The following RBFOX1 variants were observed in gnomAD, a reference collection of about 807,000 sequenced individuals.
The protein encoded by RBFOX1 is RNA binding protein fox-1 homolog 1.
Under a neutral mutation model 57.7 loss-of-function variants are expected in RBFOX1, and 8 were observed. The observed-to-expected ratio is 0.14, with a 90% CI of 0.08 to 0.25. The LOEUF (loss-of-function observed/expected upper bound fraction) is 0.25, where lower values mean the gene tolerates loss of function less well. Ranked by LOEUF, RBFOX1 falls within the 10% of genes least tolerant of loss-of-function variation. The pLI is 1.00. For missense variants in RBFOX1, 611 were observed against 548.5 expected, an observed-to-expected ratio of 1.11 and a Z score of -1.14; for synonymous variants, 326 against 222.4, an observed-to-expected ratio of 1.47 and a Z score of -4.15.
chr16:5,618,793 G>T (rs2048121321), intron 3 of RBFOX1, among the ~76,000 whole-genome samples: 1 of 152,208 alleles, frequency 6.6e-6, no homozygotes, highest in African/African-American at 2.4e-5. Context: ...TGGAGAGTTT[G>T]CTTTTACTTA....
intron 14 of RBFOX1, among the ~76,000 whole-genome samples, chr16:7,703,725 G>T (rs1372520825): frequency 1.3e-5 from 2 of 152,060 alleles, no homozygotes; most frequent in Admixed American, 6.6e-5. Context: ...AACAAACACG[G>T]GTTTATATTC....
intron 4 of RBFOX1, among the ~76,000 whole-genome samples, chr16:5,975,915 A>G (rs913387621): frequency 1.3e-5 from 2 of 152,174 alleles, no homozygotes; most frequent in East Asian, 1.9e-4. Context: ...GAGCTGAGGC[A>G]GGTGGATCAC....
chr16:7,407,005 T>A (rs2098353922), intron 4 of RBFOX1, among the ~76,000 whole-genome samples: 1 of 152,150 alleles, frequency 6.6e-6, no homozygotes, highest in South Asian at 2.1e-4. Context: ...CCCAAGTGAG[T>A]ATGCTGACTA....
At position 7,630,634 on chromosome 16, in the gene RBFOX1, G is replaced by T; in HGVS notation, c.708G>T (p.Glu236Asp). The T allele has an allele frequency of 6.2e-7, 1 of 1,614,180 alleles. No homozygotes were observed. Among genetic ancestry groups the T allele is most frequent in the East Asian group, 2.2e-5 (1 of 44,876 alleles). The stretch of plus-strand genomic sequence containing the variant: ...TCCTGTTGTGCCAGGCCAACCAGGA[G>T]GGATCTTCCATGTACAGTGCCCCCA... ...GTVLLCQANQ[E>D]GSSMYSAPSS... is the part of the protein sequence containing the mutation. Residue 236 changes from glutamate (E) to aspartate (D), a missense_variant, in exon 11 of 16, where the codon GAG (glutamate) becomes GAT (aspartate). By Grantham distance (45) the Glu-to-Asp change is conservative. Transcript: ENST00000550418.
At chr16:7,637,511 C>G (rs184742221) in intron 11 of RBFOX1, among the ~76,000 whole-genome samples, 1 of 150,918 alleles carries the variant, frequency 6.6e-6, no homozygotes, top group East Asian at 1.9e-4. Flanking sequence ...TACTATTTTA[C>G]TTTTAGGTAA....
intron 1 of RBFOX1, among the ~76,000 whole-genome samples, chr16:5,412,522 C>T (rs1020475380): frequency 2.0e-5 from 3 of 152,130 alleles, no homozygotes; most frequent in East Asian, 1.9e-4. Context: ...CCACAAAGCA[C>T]ACAGGTACAC....
chr16:6,430,421 G>A (rs927719491), intron 2 of RBFOX1, among the ~76,000 whole-genome samples: 1 of 152,224 alleles, frequency 6.6e-6, no homozygotes, highest in Non-Finnish European at 1.5e-5. Context: ...AGAGCTTGGG[G>A]ATTCTTCATG....
At chr16:6,556,386 A>T (rs558841605) in intron 2 of RBFOX1, among the ~76,000 whole-genome samples, 3 of 152,238 alleles carry the variant, frequency 2.0e-5, no homozygotes, top group Non-Finnish European at 2.9e-5. Flanking sequence ...TTTTATTCTG[A>T]TGATGGCAAA....
intron 4 of RBFOX1, among the ~76,000 whole-genome samples, chr16:7,101,567 C>T (rs577405020): frequency 6.6e-6 from 1 of 152,200 alleles, no homozygotes; most frequent in African/African-American, 2.4e-5. Flanking sequence ...ACATATTGAA[C>T]AGTGGTGCTT....
chr16:7,676,075 TTC>T (rs2073185089), intron 13 of RBFOX1, among the ~76,000 whole-genome samples: 1 of 152,238 alleles, frequency 6.6e-6, no homozygotes, highest in African/African-American at 2.4e-5. Context: ...TTCAGATTTT[TTC>T]TGTTAATGAT....
chr16:6,717,150 T>G (rs2064994125), intron 3 of RBFOX1, among the ~76,000 whole-genome samples: 1 of 152,134 alleles, frequency 6.6e-6, no homozygotes, highest in Non-Finnish European at 1.5e-5. Flanking sequence ...AATAAATGTG[T>G]GTTTAAGATG....
intron 3 of RBFOX1, among the ~76,000 whole-genome samples, chr16:5,685,456 C>T (rs1191388601): frequency 2.6e-5 from 4 of 152,176 alleles, no homozygotes; most frequent in Non-Finnish European, 4.4e-5. Context: ...GAGTGCCTTA[C>T]TTGATTTTGA....
chr16:5,855,749 ATTTC>A (rs1304984144), intron 3 of RBFOX1, among the ~76,000 whole-genome samples: 1 of 151,506 alleles, frequency 6.6e-6, no homozygotes, highest in Non-Finnish European at 1.5e-5. Flanking sequence ...TGTTTTTTCT[ATTTC>A]TTTGGAATTT....
At chr16:5,453,598 C>T (rs548593794) in intron 1 of RBFOX1, among the ~76,000 whole-genome samples, 1 of 152,256 alleles carries the variant, frequency 6.6e-6, no homozygotes, top group Admixed American at 6.5e-5. Context: ...GTCAATATAT[C>T]CTCTTAATAC....
intron 3 of RBFOX1, among the ~76,000 whole-genome samples, chr16:6,806,007 T>TGG (rs1415559663): frequency 1.3e-5 from 2 of 152,156 alleles, no homozygotes; most frequent in Non-Finnish European, 2.9e-5. Flanking sequence ...GGAAAAACTG[T>TGG]GGGTATTCAT....
chr16:6,575,992 T>C (rs868147182), intron 2 of RBFOX1, among the ~76,000 whole-genome samples: 1 of 152,164 alleles, frequency 6.6e-6, no homozygotes, highest in African/African-American at 2.4e-5. Flanking sequence ...AATAATTTTT[T>C]ATTTTTGCAA....
chr16:6,701,111 G>C (rs1041952446), intron 3 of RBFOX1, among the ~76,000 whole-genome samples: 17 of 149,654 alleles, frequency 1.1e-4, no homozygotes, highest in Non-Finnish European at 1.2e-4. Flanking sequence ...GAGGTGAAGA[G>C]TTTATCAGTG....
intron 3 of RBFOX1, among the ~76,000 whole-genome samples, chr16:6,872,465 T>C (rs547363241): frequency 2.6e-5 from 4 of 152,212 alleles, no homozygotes; most frequent in Non-Finnish European, 5.9e-5. Flanking sequence ...AGGAAACAGC[T>C]GAATTAGCCC....
intron 9 of RBFOX1, among the ~76,000 whole-genome samples, chr16:7,601,485 GGATCAATTCTTCA>G (rs2095020754): frequency 6.6e-6 from 1 of 152,094 alleles, no homozygotes; most frequent in Non-Finnish European, 1.5e-5. Context: ...ACTAGTTTAA[GGATCAATTCTTCA>G]GATGCTAAAA....
Sources: gnomAD v4.1 joint callset for allele counts (sites outside exome capture counted in the v4.1 genomes callset) on GRCh38, gnomAD v4.1.1 for gene constraint, MANE v1.5 for transcripts, NCBI Gene and HGNC (gene_info 2026-07-23, HGNC 2026-07-21) for gene names.